Variants in ASAP2 observed in about 807,000 individuals in gnomAD.
ASAP2 encodes the protein arf-GAP with SH3 domain, ANK repeat and PH domain-containing protein 2.
A neutral mutation model predicts 131.4 loss-of-function variants in ASAP2; 45 were observed. The observed-to-expected ratio is 0.34, with a 90% CI of 0.27 to 0.44. The LOEUF is 0.44. ASAP2 is among the 20% of genes least tolerant of loss of function. The pLI, the probability that ASAP2 is intolerant of heterozygous loss-of-function variation, is 1.00. For synonymous variants in ASAP2, 510 were observed against 503.0 expected, an observed-to-expected ratio of 1.01 and a Z score of -0.19; for missense variants, 1,011 against 1,297.0, an observed-to-expected ratio of 0.78 and a Z score of 3.39.
chr2:9,219,189 G>A (rs191998716), intron 1 of ASAP2, among the ~76,000 whole-genome samples: 169 of 152,274 alleles, frequency 1.1e-3, no homozygotes, highest in African/African-American at 4.0e-3. Flanking sequence ...AGAAAATACT[G>A]ATTTTCTTAT....
chr2:9,235,319 GTTTTCT>G (rs61237489), intron 1 of ASAP2, among the ~76,000 whole-genome samples: 4,160 of 152,290 alleles, frequency 0.027, 104 homozygotes, highest in Admixed American at 0.087. Flanking sequence ...GGGCAGAGTT[GTTTTCT>G]TTTTAAGAGG....
intron 1 of ASAP2, among the ~76,000 whole-genome samples, chr2:9,209,498 A>G (rs1049409029): frequency 6.6e-6 from 1 of 152,262 alleles, no homozygotes; most frequent in Non-Finnish European, 1.5e-5. Flanking sequence ...TCATTTAACA[A>G]ATAAATAAAA....
intron 22 of ASAP2, 46 bp from the exon 23 acceptor site, chr2:9,391,016 G>C: frequency 6.2e-7 from 1 of 1,613,764 alleles, no homozygotes; most frequent in Non-Finnish European, 8.5e-7. Flanking sequence ...GTGTGTGCAC[G>C]TGTATGTGTG....
In ASAP2 at chr2:9,297,354, A is replaced by T. The variant is rs1328295939; in HGVS notation, c.254A>T (p.Asn85Ile). The change falls in exon 3 of 28, where the codon AAC becomes ATC. Residue 85 changes from asparagine (N) to isoleucine (I), a missense_variant. Transcript: ENST00000281419. ...YTQALEKFGGNCVCRDDPDLG... is the reference protein window; with the variant it reads ...YTQALEKFGGICVCRDDPDLG... Reference sequence around the variant, plus strand: ...CAGGCTCTGGAGAAGTTTGGCGGCAACTGTGTATGCAGAGATGACCCAGAT... The same window carrying T: ...CAGGCTCTGGAGAAGTTTGGCGGCATCTGTGTATGCAGAGATGACCCAGAT... 6.2e-6 allele frequency: 10 copies of T among 1,614,046 alleles called. No individual in the cohort carries two copies. Among genetic ancestry groups the T allele is most frequent in the Non-Finnish European group, 8.5e-6 (10 of 1,180,032 alleles).
At chr2:9,384,006 C>A (rs1249396594) in intron 20 of ASAP2, among the ~76,000 whole-genome samples, 1 of 151,976 alleles carries the variant, frequency 6.6e-6, no homozygotes, top group Non-Finnish European at 1.5e-5. Flanking sequence ...CAAACCGGGG[C>A]CTGTCATGGG....
At chr2:9,278,896 A>G (rs1335359012) in intron 1 of ASAP2, among the ~76,000 whole-genome samples, 2 of 151,930 alleles carry the variant, frequency 1.3e-5, no homozygotes, top group Non-Finnish European at 2.9e-5. Flanking sequence ...TTAGGGCTCT[A>G]TAGGGGGAAG....
chr2:9,347,638 G>A (rs759778110), intron 11 of ASAP2, among the ~76,000 whole-genome samples: 2 of 152,278 alleles, frequency 1.3e-5, no homozygotes, highest in East Asian at 3.9e-4. Flanking sequence ...GATAACATCC[G>A]GGAGATTCGT....
rs748322781 is a variant in ASAP2 at position 9,388,514 on chromosome 2, C to A, written c.2351C>A (p.Ala784Asp). Residue 784 changes from alanine (A) to aspartate (D), a missense_variant, in exon 22 of 28, where the codon GCC becomes GAC. Ala to Asp is a moderately radical substitution (Grantham distance 126). Transcript: ENST00000281419. ...AQPAAPSTTS[A>D]PPLPPRNVGK... ...CCTGCAGCCCCCAGCACCACCAGCG[C>A]CCCCCCGCTTCCTCCACGGAATGTT... 6.2e-7 allele frequency: 1 copy of A among 1,612,852 alleles called. No individual in the cohort carries two copies. The highest frequency in any genetic ancestry group is 8.5e-7 in the Non-Finnish European group (1 of 1,179,572).
chr2:9,349,861 G>A (rs1226399046), intron 11 of ASAP2, among the ~76,000 whole-genome samples: 1 of 152,100 alleles, frequency 6.6e-6, no homozygotes, highest in Non-Finnish European at 1.5e-5. Context: ...ATATGTGTAT[G>A]TATCTGGATT....
intron 1 of ASAP2, among the ~76,000 whole-genome samples, chr2:9,215,865 C>G (rs1397680147): frequency 6.6e-6 from 1 of 152,174 alleles, no homozygotes; most frequent in Non-Finnish European, 1.5e-5. Context: ...GAGCCATCCA[C>G]TGTGGTTTTA....
At chr2:9,366,819 C>A (rs941171900) in intron 15 of ASAP2, among the ~76,000 whole-genome samples, 1 of 152,120 alleles carries the variant, frequency 6.6e-6, no homozygotes, top group African/African-American at 2.4e-5. Context: ...CCACATAATT[C>A]TTCTGTTTTT....
chr2:9,381,302 G>A (rs972278029), intron 20 of ASAP2, among the ~76,000 whole-genome samples: 1 of 152,228 alleles, frequency 6.6e-6, no homozygotes. Flanking sequence ...CTTGCCGGGG[G>A]CTCCCCAGCT....
In ASAP2 at chr2:9,309,291, A is replaced by G. The variant is rs980314250; in HGVS notation, c.346-9233A>G. On this transcript the variant is annotated intron_variant, in intron 3 of 27. Coordinates refer to ENST00000281419, the MANE Select transcript of ASAP2 (RefSeq NM_003887.3). ...TATGATGGAACAGTGCTGGCCAAGA[A>G]AAAGAAGTGAACTACTGGTACACGC... Among the ~76,000 whole-genome samples, 3 of 152,358 alleles carry G rather than the reference A, an allele frequency of 2.0e-5. No individual in the cohort carries two copies. The South Asian group carries it at 6.2e-4, about 32-fold the overall frequency.
chr2:9,338,728 G>T (rs975579342), intron 9 of ASAP2, among the ~76,000 whole-genome samples: 1 of 152,214 alleles, frequency 6.6e-6, no homozygotes, highest in African/African-American at 2.4e-5. Context: ...ATGCTCTGGG[G>T]GTGGGGACAG....
intron 24 of ASAP2, among the ~76,000 whole-genome samples, chr2:9,396,420 C>T (rs1048012754): frequency 6.6e-6 from 1 of 151,996 alleles, no homozygotes; most frequent in African/African-American, 2.4e-5. Flanking sequence ...ACCACAGGCA[C>T]GCACCACCAT....
intron 4 of ASAP2, among the ~76,000 whole-genome samples, chr2:9,318,880 C>T (rs1334151386): frequency 2.0e-5 from 3 of 152,212 alleles, no homozygotes; most frequent in Non-Finnish European, 4.4e-5. Flanking sequence ...TAAAGAGTTT[C>T]GGTCTCTCCA....
intron 1 of ASAP2, among the ~76,000 whole-genome samples, chr2:9,216,245 G>C (rs550176933): frequency 6.6e-6 from 1 of 151,868 alleles, no homozygotes; most frequent in South Asian, 2.1e-4. Flanking sequence ...GTGTGTTGGG[G>C]ATATCCAGAG....
rs112733076 is a variant in ASAP2, at chr2:9,345,022, T to A, written c.1023+222T>A. Among the ~76,000 whole-genome samples, 1,089 of 151,828 alleles carry A rather than the reference T, an allele frequency of 7.2e-3. 12 individuals carry two copies. Among genetic ancestry groups the A allele is most frequent in the African/African-American group, 0.024 (989 of 41,426 alleles). On this transcript the variant is annotated intron_variant, in intron 11 of 27. Transcript: ENST00000281419. ...TTTTTTTAATTTTAATTTTAATTTTTATTTTTTATTTTAGCCAGATGGAGT... is the reference window on the plus strand; with the variant it reads ...TTTTTTTAATTTTAATTTTAATTTTAATTTTTTATTTTAGCCAGATGGAGT...
At chr2:9,264,335 A>C (rs1665793123) in intron 1 of ASAP2, among the ~76,000 whole-genome samples, 1 of 152,222 alleles carries the variant, frequency 6.6e-6, no homozygotes, top group African/African-American at 2.4e-5. Flanking sequence ...CATGTCTTCC[A>C]GAGACTGGGG....
Sources: gnomAD v4.1 joint callset for allele counts (sites outside exome capture counted in the v4.1 genomes callset) on GRCh38, gnomAD v4.1.1 for gene constraint, MANE v1.5 for transcripts, NCBI Gene and HGNC (gene_info 2026-07-23, HGNC 2026-07-21) for gene names.